Variants in DACH2 observed in about 807,000 individuals in gnomAD.
The protein encoded by DACH2 is dachshund homolog 2.
Under a neutral mutation model 35.8 loss-of-function variants are expected in DACH2, and 17 were observed. The ratio of observed to expected loss-of-function variants is 0.48; its 90% CI spans 0.33 to 0.71. The LOEUF (loss-of-function observed/expected upper bound fraction) is 0.71. Among genes scored for constraint, DACH2 ranks in the 30% least tolerant of loss-of-function variants. The pLI is 0.02. For missense variants in DACH2, 469 were observed against 472.7 expected, an observed-to-expected ratio of 0.99 and a Z score of 0.07; for synonymous variants, 195 against 177.3, an observed-to-expected ratio of 1.10 and a Z score of -0.79.
intron 1 of DACH2, among the ~76,000 whole-genome samples, chrX:86,190,051 C>A (rs1419525963): frequency 9.2e-6 from 1 of 109,255 alleles, no homozygotes; most frequent in African/African-American, 3.3e-5. Flanking sequence ...GTAATCCCAG[C>A]TACTTGGGAG....
intron 1 of DACH2, among the ~76,000 whole-genome samples, chrX:86,197,464 G>A (rs1028899204): frequency 6.3e-5 from 7 of 111,228 alleles, no homozygotes; most frequent in Admixed American, 1.9e-4. Flanking sequence ...GTGATGAATG[G>A]CAAGTTGGAT....
At chrX:86,571,353 T>C (rs2039365246) in intron 3 of DACH2, among the ~76,000 whole-genome samples, 1 of 110,539 alleles carries the variant, frequency 9.0e-6, no homozygotes, top group African/African-American at 3.3e-5. Context: ...ACGTGCAGGT[T>C]TGTTACATAT....
At chrX:86,153,526 T>C (rs749241949) in intron 1 of DACH2, among the ~76,000 whole-genome samples, 19 of 111,602 alleles carry the variant, frequency 1.7e-4, no homozygotes, top group African/African-American at 6.1e-4. Flanking sequence ...AGTTAGGCAA[T>C]GTCAAATTTT....
intron 1 of DACH2, among the ~76,000 whole-genome samples, chrX:86,331,870 A>C (rs750110202): frequency 2.7e-5 from 3 of 111,447 alleles, no homozygotes; most frequent in Non-Finnish European, 5.7e-5. Context: ...ATACATGTAC[A>C]GAGTGAGTAT....
chrX:86,774,020 G>C (rs979148511), intron 7 of DACH2, among the ~76,000 whole-genome samples: 2 of 110,944 alleles, frequency 1.8e-5, no homozygotes, highest in Non-Finnish European at 3.8e-5. Flanking sequence ...TCTCCACGGT[G>C]GTTGTACTAA....
chrX:86,292,703 C>G (rs1211203218), intron 1 of DACH2, among the ~76,000 whole-genome samples: 4 of 111,603 alleles, frequency 3.6e-5, no homozygotes, highest in East Asian at 2.8e-4. Context: ...CATTCAGGAG[C>G]AGGTTGTTCT....
chrX:86,780,684 T>C (rs1057287595), intron 7 of DACH2, among the ~76,000 whole-genome samples: 2 of 111,800 alleles, frequency 1.8e-5, no homozygotes, highest in Admixed American at 9.5e-5. Flanking sequence ...TTTCTGTTTA[T>C]ATAAATTAGA....
At chrX:86,575,358 A>G (rs1232508686) in intron 3 of DACH2, among the ~76,000 whole-genome samples, 1 of 110,475 alleles carries the variant, frequency 9.1e-6, no homozygotes, top group Non-Finnish European at 1.9e-5. Context: ...GTGGGGGGGG[A>G]AGCTTAAAAT....
chrX:86,336,872 A>T (rs1304856371), intron 1 of DACH2, among the ~76,000 whole-genome samples: 1 of 109,234 alleles, frequency 9.2e-6, no homozygotes, highest in Non-Finnish European at 1.9e-5. Context: ...CCATTTAGAG[A>T]AGAACATAAA....
intron 7 of DACH2, among the ~76,000 whole-genome samples, chrX:86,777,683 C>G (rs1376870595): frequency 9.0e-6 from 1 of 111,113 alleles, no homozygotes; most frequent in African/African-American, 3.3e-5. Context: ...ATTTTTGTCT[C>G]TCTCTAAATA....
At chrX:86,149,346 AGTCC>A (rs2030279920) in intron 1 of DACH2, among the ~76,000 whole-genome samples, 1 of 112,430 alleles carries the variant, frequency 8.9e-6, no homozygotes, top group African/African-American at 3.2e-5. Flanking sequence ...TTGAGTTTGC[AGTCC>A]TCTATTGAAA....
intron 2 of DACH2, among the ~76,000 whole-genome samples, chrX:86,402,456 A>G (rs926640581): frequency 1.8e-5 from 2 of 111,658 alleles, no homozygotes; most frequent in Non-Finnish European, 3.8e-5. Flanking sequence ...TGAAATACCT[A>G]GGAATACAGG....
At chrX:86,541,609 G>T (rs892790859) in intron 3 of DACH2, among the ~76,000 whole-genome samples, 7 of 111,232 alleles carry the variant, frequency 6.3e-5, no homozygotes, top group Admixed American at 9.6e-5. Flanking sequence ...TTTAGTGTAA[G>T]AATTATATAA....
chrX:86,316,880 G>A (rs2034920060), intron 1 of DACH2, among the ~76,000 whole-genome samples: 1 of 111,040 alleles, frequency 9.0e-6, no homozygotes. Context: ...AGCACTTTGG[G>A]AGCCGGAGGC....
At chrX:86,458,607 A>G (rs948293623) in intron 2 of DACH2, among the ~76,000 whole-genome samples, 4 of 111,999 alleles carry the variant, frequency 3.6e-5, no homozygotes, top group African/African-American at 6.5e-5. Flanking sequence ...CTCATTAAAC[A>G]CTCAATTTGT....
At chrX:86,300,818 G>T (rs187350901) in intron 1 of DACH2, among the ~76,000 whole-genome samples, 1 of 111,994 alleles carries the variant, frequency 8.9e-6, no homozygotes, top group African/African-American at 3.2e-5. Flanking sequence ...TCAGGGTATT[G>T]CACATGGAAA....
chrX:86,624,177 T>C (rs958353595), intron 3 of DACH2, among the ~76,000 whole-genome samples: 2 of 111,022 alleles, frequency 1.8e-5, no homozygotes, highest in African/African-American at 6.6e-5. Flanking sequence ...TAAACCTGCT[T>C]TGGAAAATAA....
intron 1 of DACH2, among the ~76,000 whole-genome samples, chrX:86,221,249 T>C (rs1042672637): frequency 8.9e-6 from 1 of 111,907 alleles, no homozygotes; most frequent in East Asian, 2.8e-4. Context: ...TGATGTAAGA[T>C]AAGGATCCAA....
chrX:86,307,604 G>T, intron 1 of DACH2, among the ~76,000 whole-genome samples: 1 of 111,286 alleles, frequency 9.0e-6, no homozygotes, highest in Non-Finnish European at 1.9e-5. Context: ...ACTGCCTGAG[G>T]TAACAGTGAT....
Sources: allele counts gnomAD v4.1 joint callset (sites outside exome capture counted in the v4.1 genomes callset), GRCh38; gene constraint gnomAD v4.1.1; transcripts MANE v1.5; gene names NCBI Gene and HGNC (gene_info 2026-07-23, HGNC 2026-07-21).